The following ANK1 variants were observed in gnomAD, a reference collection of about 807,000 sequenced individuals.
ANK1 encodes ankyrin 1.
A neutral mutation model predicts 210.4 loss-of-function variants in ANK1; 51 were observed. The ratio of observed to expected loss-of-function variants is 0.24; its 90% confidence interval spans 0.19 to 0.31. The LOEUF (loss-of-function observed/expected upper bound fraction) is 0.31. Ranked by LOEUF, ANK1 falls within the 10% of genes least tolerant of loss-of-function variation. The pLI, the probability that ANK1 is intolerant of heterozygous loss-of-function variation, is 1.00. For missense variants in ANK1, 2,051 were observed against 2,504.4 expected, an observed-to-expected ratio of 0.82 and a Z score of 3.86; for synonymous variants, 967 against 1,025.9, an observed-to-expected ratio of 0.94 and a Z score of 1.10.
chr8:41,877,448 G>A (rs1816797867), intron 1 of ANK1, among the ~76,000 whole-genome samples: 1 of 152,228 alleles, frequency 6.6e-6, no homozygotes, highest in African/African-American at 2.4e-5. Flanking sequence ...CATCTAGGAA[G>A]TGACACTCAC....
Position 41,887,414 on chromosome 8 carries a change from A to G in ANK1, c.126+8941T>C, listed in dbSNP as rs1454145962. 2.6e-5 allele frequency among the ~76,000 whole-genome samples: 4 copies of G among 151,588 alleles called. No homozygotes were observed. The East Asian group carries it at 7.7e-4, about 29-fold the overall frequency. ...TACAGGCATGCCACCACACCTGGCT[A>G]ATTTTCTTAAATTTTCTTAGTTTTT... is the stretch of plus-strand genomic sequence containing the variant. On this transcript the variant is annotated intron_variant, in intron 1 of 42. Transcript: ENST00000265709.
chr8:41,892,506 CTGT>C (rs2150838693), intron 1 of ANK1, among the ~76,000 whole-genome samples: 1 of 152,206 alleles, frequency 6.6e-6, no homozygotes, highest in East Asian at 1.9e-4. Context: ...TGTGCAAACA[CTGT>C]TGTTGTTACA....
rs1307746953 is a variant in ANK1, at chr8:41,724,560, G to C, written c.613-6C>G. The C allele has an allele frequency of 6.3e-7, 1 of 1,581,412 alleles. No individual in the cohort carries two copies. Among genetic ancestry groups the C allele is most frequent in the African/African-American group, 1.3e-5 (1 of 74,320 alleles). On this transcript the variant is annotated splice_region_variant and splice_polypyrimidine_tract_variant and intron_variant, in intron 6 of 42. Transcript: ENST00000289734. The stretch of plus-strand genomic sequence containing the variant: ...TGCAGGGGCGTGAATCCCGTCTGGG[G>C]CACAACAGAGGGGGAGAAACTTGTT...
chr8:41,696,043 G>GT (rs1179017654), intron 26 of ANK1, among the ~76,000 whole-genome samples: 1 of 152,166 alleles, frequency 6.6e-6, no homozygotes, highest in African/African-American at 2.4e-5. Flanking sequence ...TTTAAGAGTT[G>GT]TTTTTTTGGT....
intron 2 of ANK1, among the ~76,000 whole-genome samples, chr8:41,756,293 G>A (rs989879552): frequency 3.2e-4 from 48 of 151,306 alleles, no homozygotes; most frequent in African/African-American, 8.5e-4. Flanking sequence ...CTATAGGCAC[G>A]CACCACCATG....
At chr8:41,818,486 TAC>T (rs1184920346) in intron 1 of ANK1, among the ~76,000 whole-genome samples, 2 of 152,246 alleles carry the variant, frequency 1.3e-5, no homozygotes, top group Non-Finnish European at 2.9e-5. Flanking sequence ...GTATCAGTAA[TAC>T]AGTTGTTTAG....
intron 8 of ANK1, 90 bp downstream of exon 8, chr8:41,723,445 C>G: frequency 6.8e-7 from 1 of 1,468,758 alleles, no homozygotes; most frequent in Non-Finnish European, 9.5e-7. Flanking sequence ...GCATCCCTAA[C>G]TAGGTCACCA....
intron 1 of ANK1, among the ~76,000 whole-genome samples, chr8:41,893,081 A>G (rs1329523525): frequency 6.6e-6 from 1 of 151,990 alleles, no homozygotes; most frequent in East Asian, 1.9e-4. Context: ...GCCCTCTTCT[A>G]TCCTCTGCTT....
chr8:41,801,409 C>T (rs900949021), upstream of ANK1, among the ~76,000 whole-genome samples: 3 of 152,126 alleles, frequency 2.0e-5, no homozygotes, highest in African/African-American at 7.2e-5. Context: ...TGAGTTTTAC[C>T]GTACATGTAT....
In ANK1 at chr8:41,749,936, C is replaced by T. The variant is rs115941867; in HGVS notation, c.129+8100G>A. On this transcript the variant is annotated intron_variant, in intron 2 of 42. Transcript: ENST00000289734. Reference sequence around the variant, plus strand: ...CTCATCTTGGACTTCTTAAGCCCAACTCCCCAAATCCAAAGTCATACAGCA... The same window carrying T: ...CTCATCTTGGACTTCTTAAGCCCAATTCCCCAAATCCAAAGTCATACAGCA... Among the ~76,000 whole-genome samples, 1,023 of 152,346 alleles carry T rather than the reference C, an allele frequency of 6.7e-3. 15 individuals are homozygous for T. Among genetic ancestry groups the T allele is most frequent in the African/African-American group, 0.023 (942 of 41,586 alleles).
upstream of ANK1, among the ~76,000 whole-genome samples, chr8:41,799,033 G>A (rs557312533): frequency 2.4e-3 from 372 of 152,112 alleles, 1 homozygote; most frequent in Non-Finnish European, 4.3e-3. Flanking sequence ...CCATCTCCCC[G>A]GGGACTAGTG....
intron 1 of ANK1, among the ~76,000 whole-genome samples, chr8:41,779,777 T>G (rs1375932215): frequency 9.2e-5 from 14 of 152,212 alleles, no homozygotes; most frequent in Non-Finnish European, 1.8e-4. Context: ...TTAAAAAACT[T>G]GCCCAAGGTC....
intron 1 of ANK1, among the ~76,000 whole-genome samples, chr8:41,891,531 A>G (rs926045574): frequency 1.3e-5 from 2 of 152,226 alleles, no homozygotes; most frequent in East Asian, 1.9e-4. Context: ...GTGGAGCAGC[A>G]GCCAAAATTC....
At chr8:41,666,642 A>C (rs1180170169) in intron 39 of ANK1, among the ~76,000 whole-genome samples, 6 of 152,256 alleles carry the variant, frequency 3.9e-5, no homozygotes, top group African/African-American at 1.4e-4. Context: ...GTCCAGTGGA[A>C]ATACTAATAA....
rs1193599524 is a variant in ANK1 at position 41,654,664 on chromosome 8, G to A, written c.*1126C>T. 1.3e-5 allele frequency: 2 copies of A among 152,680 alleles called. No individual in the cohort carries two copies. Among genetic ancestry groups the A allele is most frequent in the African/African-American group, 4.8e-5 (2 of 41,450 alleles). 9.5% of individuals were successfully genotyped at this position (152,680 alleles called of 1,614,324 possible). On this transcript the variant is annotated 3_prime_UTR_variant, in exon 43 of 43. Transcript: ENST00000289734. The stretch of plus-strand genomic sequence containing the variant: ...AGCCGCAGAAGTCCTCAGGAGCTGC[G>A]CTGTCAGGCTCTGTACGTACTGCTA...
intron 1 of ANK1, among the ~76,000 whole-genome samples, chr8:41,843,255 G>A (rs1171759433): frequency 6.6e-6 from 1 of 152,172 alleles, no homozygotes; most frequent in African/African-American, 2.4e-5. Flanking sequence ...AATGTGTAGT[G>A]ATCAAGTCAA....
intron 1 of ANK1, among the ~76,000 whole-genome samples, chr8:41,853,328 A>G (rs1811609599): frequency 6.6e-6 from 1 of 152,254 alleles, no homozygotes; most frequent in Non-Finnish European, 1.5e-5. Context: ...ATGTATCTTC[A>G]TTGCAGTGTT....
At chr8:41,879,082 T>G (rs897236997) in intron 1 of ANK1, among the ~76,000 whole-genome samples, 8 of 151,664 alleles carry the variant, frequency 5.3e-5, no homozygotes, top group African/African-American at 1.9e-4. Flanking sequence ...AAAATAAAAA[T>G]TGAAAAATTA....
At chr8:41,794,201 C>T (rs1337651580) in intron 1 of ANK1, among the ~76,000 whole-genome samples, 6 of 152,188 alleles carry the variant, frequency 3.9e-5, no homozygotes, top group Admixed American at 6.5e-5. Context: ...GTAAAATCCC[C>T]ACATCAATGT....
Sources: gnomAD v4.1 joint callset for allele counts (sites outside exome capture counted in the v4.1 genomes callset) on GRCh38, gnomAD v4.1.1 for gene constraint, MANE v1.5 for transcripts, NCBI Gene and HGNC (gene_info 2026-07-23, HGNC 2026-07-21) for gene names.